Variants in FANCA observed in about 807,000 individuals in gnomAD.
FANCA encodes Fanconi anemia group A protein.
Under a neutral mutation model 194.3 loss-of-function variants are expected in FANCA, and 236 were observed. The observed-to-expected ratio is 1.21, with a 90% CI of 1.09 to 1.35. FANCA has a LOEUF of 1.35. Ranked by LOEUF, FANCA falls within the 40% of genes most tolerant of loss-of-function variation. FANCA has a pLI of 0.00. For missense variants in FANCA, 2,628 were observed against 1,813.9 expected (o/e 1.45, Z -8.15); for synonymous variants, 1,014 against 715.8 (o/e 1.42, Z -6.65).
At chr16:89,810,895 C>G (rs763244931) in intron 4 of FANCA, 34 bp downstream of exon 4, 30 of 1,614,002 alleles carry the variant, frequency 1.9e-5, no homozygotes, top group Non-Finnish European at 2.5e-5. Flanking sequence ...AAAGTAACAA[C>G]GGGCAGGTTT....
chr16:89,787,796 G>A (rs537376680), intron 14 of FANCA, among the ~76,000 whole-genome samples: 1 of 151,704 alleles, frequency 6.6e-6, no homozygotes. Flanking sequence ...GATATGCTGA[G>A]AATTATATTA....
Position 89,795,771 on chromosome 16 carries a change from C to T in FANCA, c.1006+135G>A, listed in dbSNP as rs2040224207. On this transcript the variant is annotated intron_variant, in intron 11 of 42. Coordinates refer to ENST00000389301, the MANE Select transcript of FANCA (RefSeq NM_000135.4). Reference sequence around the variant, plus strand: ...AGTAACAATCTCAGGCATCTGAGGACCCAGTCTCTGGTTCAAGACAGACGT... The same window carrying T: ...AGTAACAATCTCAGGCATCTGAGGATCCAGTCTCTGGTTCAAGACAGACGT... 7.0e-6 allele frequency: 5 copies of T among 712,468 alleles called. No individual in the cohort carries two copies. The South Asian group carries it at 7.4e-5, about 10-fold the overall frequency. The allele number at this position is 712,468 out of a possible 1,614,324, so 44.1% of individuals were successfully genotyped here.
chr16:89,747,990 G>A (rs921234590), intron 33 of FANCA, among the ~76,000 whole-genome samples: 1 of 152,174 alleles, frequency 6.6e-6, no homozygotes, highest in Admixed American at 6.5e-5. Flanking sequence ...TTGGCTCAGT[G>A]CAACTCTGCC....
rs912807346 is a variant in FANCA at position 89,791,313 on chromosome 16, G to C, written c.1359+90C>G. 7.2e-6 allele frequency: 11 copies of C among 1,536,092 alleles called. No homozygotes were observed. In the Admixed American group the frequency reaches 1.9e-4, roughly 26 times the overall value. On this transcript the variant is annotated intron_variant, in intron 14 of 42. Transcript: ENST00000389301. The stretch of plus-strand genomic sequence containing the variant: ...TGACAGCAAGGTTGCTCACTCACAT[G>C]ACAGAGAATCAGGTGGGGACAGCAT...
At position 89,748,739 on chromosome 16, in the gene FANCA, G is replaced by A. The variant is rs1567603054; in HGVS notation, c.3268C>T (p.Leu1090Phe). 2 of 1,614,098 alleles carry A rather than the reference G, an allele frequency of 1.2e-6. No individual in the cohort carries two copies. The highest frequency in any genetic ancestry group is 3.3e-5 in the Admixed American group (2 of 60,014). Reference sequence around the variant, plus strand: ...TCTGCCTGGAAGCTGCTGCCGCAGAGGACAGACGAAGGCAGGCGGAGGAGG... The same window carrying A: ...TCTGCCTGGAAGCTGCTGCCGCAGAAGACAGACGAAGGCAGGCGGAGGAGG... ...RILLRLPSSV[L>F]CGSSFQAEQP... The change falls in exon 33 of 43, where the codon CTC (leucine) becomes TTC (phenylalanine). Residue 1090 changes from leucine to phenylalanine, a missense_variant. Physicochemically the swap from Leu to Phe is conservative, Grantham distance 22. Transcript: ENST00000389301.
Position 89,738,459 on chromosome 16 carries a change from G to T in FANCA, c.*142C>A. The T allele has an allele frequency of 1.4e-6, 2 of 1,433,066 alleles. No homozygotes were observed. Among genetic ancestry groups the T allele is most frequent in the Non-Finnish European group, 9.6e-7 (1 of 1,043,920 alleles). The allele number at this position is 1,433,066 out of a possible 1,614,324, so 88.8% of individuals were successfully genotyped here. A position where few individuals can be genotyped will look rare whatever the true frequency, so the allele number is the denominator to read the frequency against. On this transcript the variant is annotated 3_prime_UTR_variant, in exon 43 of 43. Coordinates refer to ENST00000389301, the MANE Select transcript of FANCA (RefSeq NM_000135.4). ...ACGCTGAGTGACTCGGGGCCGGACA[G>T]TTCATAAATAATTGATTCCTTTCCC... is the stretch of plus-strand genomic sequence containing the variant.
intron 21 of FANCA, among the ~76,000 whole-genome samples, chr16:89,774,869 G>A (rs942756826): frequency 2.6e-5 from 4 of 151,852 alleles, no homozygotes; most frequent in South Asian, 2.1e-4. Context: ...CGAGGCAGGC[G>A]GATCAGTTGA....
chr16:89,774,785 G>C (rs2039444844), intron 21 of FANCA, among the ~76,000 whole-genome samples: 1 of 145,734 alleles, frequency 6.9e-6, no homozygotes, highest in Admixed American at 7.1e-5. Context: ...CCTGCAGGTG[G>C]AAGGGGATCT....
At chr16:89,753,125 T>C (rs903558880) in intron 30 of FANCA, among the ~76,000 whole-genome samples, 3 of 152,042 alleles carry the variant, frequency 2.0e-5, no homozygotes, top group African/African-American at 7.3e-5. Flanking sequence ...GCAGAAATAA[T>C]GGCGTAAGCT....
At chr16:89,815,812 C>A in intron 2 of FANCA, 65 bp downstream of exon 2, 1 of 1,232,240 alleles carries the variant, frequency 8.1e-7, no homozygotes, top group Non-Finnish European at 1.2e-6. Context: ...GAAAGCTGTG[C>A]GGTGGCTGGA....
intron 14 of FANCA, chr16:89,790,973 G>A (rs371072716): frequency 4.0e-6 from 1 of 250,136 alleles, no homozygotes; most frequent in Non-Finnish European, 7.8e-6. Context: ...AGGACTACAG[G>A]TGTCTGCCAC....
chr16:89,740,417 A>T, intron 38 of FANCA: 1 of 470,178 alleles, frequency 2.1e-6, no homozygotes, highest in South Asian at 2.3e-5. Context: ...AGGTCGGCGG[A>T]TCACTGAGGC....
intron 21 of FANCA, among the ~76,000 whole-genome samples, chr16:89,774,746 A>AAAAAAAAAAAAAAAAAAAAAC: frequency 6.8e-6 from 1 of 146,662 alleles, no homozygotes; most frequent in Non-Finnish European, 1.5e-5. Flanking sequence ...AAAAAAAAAA[A>AAAAAAAAAAAAAAAAAAAAAC]AAAAAAAATC....
Position 89,738,242 on chromosome 16 carries a change from C to T in FANCA, c.*359G>A. Reference sequence around the variant, plus strand: ...GGCCAGGCGGTGAAGCCCGAACCCACCTGAGGACGGCAGTGAGGATGAGCA... The same window carrying T: ...GGCCAGGCGGTGAAGCCCGAACCCATCTGAGGACGGCAGTGAGGATGAGCA... On this transcript the variant is annotated 3_prime_UTR_variant, in exon 43 of 43. Coordinates refer to ENST00000389301, the MANE Select transcript of FANCA (RefSeq NM_000135.4). The T allele has an allele frequency of 6.3e-7, 1 of 1,599,934 alleles. No individual in the cohort carries two copies.
chr16:89,783,022 C>A lies in FANCA; in HGVS notation c.1551G>T (p.Arg517=). 6.2e-7 allele frequency: 1 copy of A among 1,614,000 alleles called. No individual in the cohort carries two copies. The highest frequency in any genetic ancestry group is 8.5e-7 in the Non-Finnish European group (1 of 1,179,890). Residue 517 remains arginine, a synonymous_variant, in exon 16 of 43, where the codon CGG becomes CGT. Coordinates refer to ENST00000389301, the MANE Select transcript of FANCA (RefSeq NM_000135.4). ...GACAGCTTGCCTTGAGGTCGGCCAG[C>A]CGTGTCTTGGCCAATGAGATGTAGT... ...LTDYISLAKT[R]LADLKVSIEN... is the part of the protein sequence containing the mutation.
intron 27 of FANCA, among the ~76,000 whole-genome samples, chr16:89,766,788 T>C (rs1014758514): frequency 1.3e-5 from 2 of 152,240 alleles, no homozygotes; most frequent in African/African-American, 4.8e-5. Context: ...AGAATTCTTC[T>C]TTCCAGGGAA....
chr16:89,795,120 AC>A (rs1487663187), intron 11 of FANCA, among the ~76,000 whole-genome samples: 1 of 151,928 alleles, frequency 6.6e-6, no homozygotes, highest in Non-Finnish European at 1.5e-5. Flanking sequence ...GCCCGTCTCT[AC>A]TAAAAATACA....
At chr16:89,751,650 C>G (rs1027965728) in intron 31 of FANCA, among the ~76,000 whole-genome samples, 59 of 152,148 alleles carry the variant, frequency 3.9e-4, no homozygotes, top group African/African-American at 1.3e-3. Context: ...CAGTAAATGC[C>G]TGTTGACTGA....
At chr16:89,806,286 G>A (rs188269284) in intron 6 of FANCA, among the ~76,000 whole-genome samples, 112 of 151,776 alleles carry the variant, frequency 7.4e-4, no homozygotes, top group African/African-American at 2.4e-3. Context: ...GCTACTACTG[G>A]GTAGAGTGCT....
Sources: gnomAD v4.1 joint callset for allele counts (sites outside exome capture counted in the v4.1 genomes callset) on GRCh38, gnomAD v4.1.1 for gene constraint, MANE v1.5 for transcripts, NCBI Gene and HGNC (gene_info 2026-07-23, HGNC 2026-07-21) for gene names.